Variants in MSL1 observed in about 807,000 individuals in gnomAD.
MSL1 encodes the protein MSL complex subunit 1.
In MSL1, 21 loss-of-function variants were observed where a neutral mutation model predicts 64.6. That is an observed-to-expected ratio of 0.33 (90% CI 0.23 to 0.47). The LOEUF is 0.47. Among genes scored for constraint, MSL1 ranks in the 20% least tolerant of loss-of-function variants. The probability of loss-of-function intolerance (pLI) is 1.00; values close to 1 mark genes in which losing one functional copy is unlikely to be tolerated. For synonymous variants in MSL1, 339 were observed against 329.6 expected (o/e 1.03, Z -0.31); for missense variants, 664 against 793.2 (o/e 0.84, Z 1.96).
chr17:40,125,097 T>C (rs779648044), intron 1 of MSL1, among the ~76,000 whole-genome samples: 11 of 152,178 alleles, frequency 7.2e-5, no homozygotes, highest in Non-Finnish European at 1.3e-4. Context: ...TGTAATAGAG[T>C]ATAAGTAGCA....
chr17:40,122,742 C>T lies in MSL1; in HGVS notation c.130C>T (p.His44Tyr). Residue 44 changes from histidine to tyrosine, a missense_variant, in exon 1 of 9, where the codon CAC becomes TAC. His to Tyr is a moderately conservative substitution (Grantham distance 83, BLOSUM62 2). Coordinates refer to ENST00000398532, the MANE Select transcript of MSL1 (RefSeq NM_001365919.1). The surrounding 1 kb of genome is among the most constrained non-coding windows in gnomAD (Gnocchi z 4.2). The part of the protein sequence containing the change: ...PEDEPGAAEA[H>Y]FLPRHRKLKE... Reference sequence around the variant, plus strand: ...GGACGAGCCTGGGGCGGCCGAAGCCCACTTCCTCCCCCGGCACCGTAAGCT... The same window carrying T: ...GGACGAGCCTGGGGCGGCCGAAGCCTACTTCCTCCCCCGGCACCGTAAGCT... The T allele has an allele frequency of 2.8e-6, 4 of 1,446,556 alleles. No individual in the cohort carries two copies. Among genetic ancestry groups the T allele is most frequent in the South Asian group, 1.4e-5 (1 of 73,446 alleles). The allele number at this position is 1,446,556 out of a possible 1,614,324, so 89.6% of individuals were successfully genotyped here.
chr17:40,122,543 C>G lies in MSL1; in HGVS notation c.-70C>G. 1 of 809,824 alleles carries G rather than the reference C, an allele frequency of 1.2e-6. No homozygotes were observed. The highest frequency in any genetic ancestry group is 1.8e-6 in the Non-Finnish European group (1 of 567,578). The allele number at this position is 809,824 out of a possible 1,614,324, so 50.2% of individuals were successfully genotyped here. On this transcript the variant is annotated 5_prime_UTR_variant, in exon 1 of 9. Transcript: ENST00000398532. The surrounding 1 kb of genome is among the most constrained non-coding windows in gnomAD (Gnocchi z 4.2). The stretch of plus-strand genomic sequence containing the variant: ...AACTCCCCTCCCCCCCCTCAGTCCT[C>G]GACCCCCCGCACCTCGCCCCTTCCC...
At position 40,134,335 on chromosome 17, in the gene MSL1, A is replaced by C; in HGVS notation, c.1811A>C (p.Lys604Thr). ...ERSRCRLEIQ[K>T]KQTPHRTCRK is the part of the protein sequence containing the mutation. ...AGCCGATGCAGATTGGAGATCCAGA[A>C]GAAGCAAACACCTCACCGGACGTGT... Residue 604 changes from lysine (K) to threonine (T), a missense_variant, in exon 9 of 9, where the codon AAG (lysine) becomes ACG (threonine). By Grantham distance (78) the Lys-to-Thr change is moderately conservative. Around this residue, in one of 4 missense-constraint regions of MSL1, gnomAD observed 76 missense variants for 98.5 expected, o/e 0.77. Transcript: ENST00000398532. 6.4e-7 allele frequency: 1 copy of C among 1,557,326 alleles called. No individual in the cohort carries two copies. The highest frequency in any genetic ancestry group is 8.7e-7 in the Non-Finnish European group (1 of 1,150,012).
At chr17:40,133,232 T>TA in intron 6 of MSL1, 123 bp downstream of exon 6, 1 of 909,342 alleles carries the variant, frequency 1.1e-6, no homozygotes, top group East Asian at 2.6e-5. Context: ...ACTCTTACAT[T>TA]ACTGGCTTCC....
In MSL1 at chr17:40,131,833, G is replaced by T; in HGVS notation, c.1424-201G>T. ...TTTGTGATCCTGAGTTTGGCAGACT[G>T]CAATGGCATTTTAGGTTCTTTTATA... is the stretch of plus-strand genomic sequence containing the variant. On this transcript the variant is annotated intron_variant, in intron 4 of 8. Coordinates refer to ENST00000398532, the MANE Select transcript of MSL1 (RefSeq NM_001365919.1). The surrounding 1 kb of genome is among the most constrained non-coding windows in gnomAD (Gnocchi z 4.5). 1 of 612,190 alleles carries T rather than the reference G, an allele frequency of 1.6e-6. No individual in the cohort carries two copies. Among genetic ancestry groups the T allele is most frequent in the Non-Finnish European group, 2.9e-6 (1 of 345,910 alleles). 37.9% of individuals were successfully genotyped at this position (612,190 alleles called of 1,614,324 possible).
At position 40,134,607 on chromosome 17, in the gene MSL1, C is replaced by A; in HGVS notation, c.*238C>A. The A allele has an allele frequency of 2.0e-6, 1 of 504,784 alleles. No individual in the cohort carries two copies. Among genetic ancestry groups the A allele is most frequent in the South Asian group, 2.3e-5 (1 of 43,958 alleles). The allele number at this position is 504,784 out of a possible 1,614,324, so 31.3% of individuals were successfully genotyped here. On this transcript the variant is annotated 3_prime_UTR_variant, in exon 9 of 9. Transcript: ENST00000398532. Reference sequence around the variant, plus strand: ...TTCCCTTTTTTGGGAAATGGGCTCTCAAGCTAAAGCTATAGGATGGCAGAT... The same window carrying A: ...TTCCCTTTTTTGGGAAATGGGCTCTAAAGCTAAAGCTATAGGATGGCAGAT...
At chr17:40,132,591 A>G (rs1468109108) in intron 5 of MSL1, among the ~76,000 whole-genome samples, 1 of 152,204 alleles carries the variant, frequency 6.6e-6, no homozygotes, top group African/African-American at 2.4e-5. Context: ...GTGAGCCAAG[A>G]TCGCACCACT....
rs142623456 is a variant in MSL1 at position 40,136,455 on chromosome 17, C to T, written c.*2086C>T. 2.4e-3 allele frequency: 361 copies of T among 152,410 alleles called. 3 individuals carry two copies. Among genetic ancestry groups the T allele is most frequent in the African/African-American group, 8.4e-3 (347 of 41,552 alleles). 9.4% of individuals were successfully genotyped at this position (152,410 alleles called of 1,614,324 possible). A position where few individuals can be genotyped will look rare whatever the true frequency, so the allele number is the denominator to read the frequency against. On this transcript the variant is annotated 3_prime_UTR_variant, in exon 9 of 9. Coordinates refer to ENST00000398532, the MANE Select transcript of MSL1 (RefSeq NM_001365919.1). ...GTTGGACAGTAGATTAGCAAAGTTC[C>T]AAGTGCAAAATTACAGTGTGTTAGA...
chr17:40,130,910 A>G (rs903397684), intron 3 of MSL1: 2 of 152,260 alleles, frequency 1.3e-5, no homozygotes, highest in African/African-American at 4.8e-5. Flanking sequence ...TATTTTTGAA[A>G]ATCCTTTCTT....
intron 5 of MSL1, 41 bp downstream of exon 5, chr17:40,132,139 T>A (rs1287595183): frequency 1.4e-6 from 2 of 1,395,250 alleles, no homozygotes; most frequent in African/African-American, 1.4e-5. Context: ...AGTAAGAGAT[T>A]AAATAGAATG....
At chr17:40,127,237 T>A (rs1007830799) in intron 2 of MSL1, among the ~76,000 whole-genome samples, 1 of 150,604 alleles carries the variant, frequency 6.6e-6, no homozygotes, top group Non-Finnish European at 1.5e-5. Context: ...CCTGGAGGTA[T>A]GCACCTGTAG....
At position 40,123,032 on chromosome 17, in the gene MSL1, C is replaced by A. The variant is rs1264467587; in HGVS notation, c.420C>A (p.Gly140=). Residue 140 remains glycine (G), a synonymous_variant, in exon 1 of 9, where the codon GGC becomes GGA. Transcript: ENST00000398532. Reference sequence around the variant, plus strand: ...AGGCGGTGCTGCCCATTCAGACGGGCTCTCTCGTGGCGGCGGCCAAAGAGC... The same window carrying A: ...AGGCGGTGCTGCCCATTCAGACGGGATCTCTCGTGGCGGCGGCCAAAGAGC... ...KYQAVLPIQT[G]SLVAAAKEPT... is the part of the protein sequence containing the mutation. The A allele has an allele frequency of 6.5e-7, 1 of 1,532,494 alleles. No homozygotes were observed. Among genetic ancestry groups the A allele is most frequent in the South Asian group, 1.2e-5 (1 of 83,942 alleles). 94.9% of individuals were successfully genotyped at this position (1,532,494 alleles called of 1,614,324 possible).
At chr17:40,128,415 C>T (rs1244194349) in intron 2 of MSL1, among the ~76,000 whole-genome samples, 3 of 145,050 alleles carry the variant, frequency 2.1e-5, no homozygotes, top group Non-Finnish European at 4.5e-5. Context: ...CACTCTGTCG[C>T]CCAGGCTGGA....
At chr17:40,133,977 G>A (rs970332011) in intron 8 of MSL1, 78 bp downstream of exon 8, 3 of 1,307,846 alleles carry the variant, frequency 2.3e-6, no homozygotes, top group Non-Finnish European at 3.3e-6. Context: ...TAGATATGAG[G>A]TGGAACCAGG....
intron 2 of MSL1, 27 bp downstream of exon 2, chr17:40,126,433 G>C (rs373522601): frequency 4.4e-6 from 7 of 1,583,390 alleles, no homozygotes; most frequent in Non-Finnish European, 4.3e-6. Flanking sequence ...GTTTGATGAG[G>C]ACCCTTGTTA....
rs753286381 is a variant in MSL1, at chr17:40,136,183, A to T, written c.*1814A>T. On this transcript the variant is annotated 3_prime_UTR_variant, in exon 9 of 9. Coordinates refer to ENST00000398532, the MANE Select transcript of MSL1 (RefSeq NM_001365919.1). ...TCTTTGATCCCTCAGTTTCTTCTTG[A>T]TTTCAGCATGTGTCGGGTTCCTAAT... 3 of 152,248 alleles carry T rather than the reference A, an allele frequency of 2.0e-5. No homozygotes were observed. Among genetic ancestry groups the T allele is most frequent in the Non-Finnish European group, 4.4e-5 (3 of 67,994 alleles). The allele number at this position is 152,248 out of a possible 1,614,324, so 9.4% of individuals were successfully genotyped here.
At chr17:40,125,931 C>T (rs957577652) in intron 1 of MSL1, among the ~76,000 whole-genome samples, 1 of 152,216 alleles carries the variant, frequency 6.6e-6, no homozygotes, top group Non-Finnish European at 1.5e-5. Context: ...GATCTCCCTA[C>T]AGAAGAATGA....
chr17:40,127,893 GGC>G (rs1988357011), intron 2 of MSL1, among the ~76,000 whole-genome samples: 1 of 152,204 alleles, frequency 6.6e-6, no homozygotes, highest in African/African-American at 2.4e-5. Flanking sequence ...GGGAGGCCGA[GGC>G]GGGTGGATCA....
rs1458218007 is a variant in MSL1 at position 40,122,116 on chromosome 17, C to T, written c.-497C>T. Among the ~76,000 whole-genome samples the T allele has an allele frequency of 2.6e-5, 4 of 151,530 alleles. No individual in the cohort carries two copies. The highest frequency in any genetic ancestry group is 2.6e-4 in the Admixed American group (4 of 15,260). On this transcript the variant is annotated 5_prime_UTR_variant, in exon 1 of 9. Coordinates refer to ENST00000398532, the MANE Select transcript of MSL1 (RefSeq NM_001365919.1). The surrounding 1 kb of genome is among the most constrained non-coding windows in gnomAD (Gnocchi z 4.2). ...ACCCCCGGGAGAGGCGACAGACCCC[C>T]TCTCCCGGAGTAGGAGGGCTTTGGG...
Sources: gnomAD v4.1 joint callset for allele counts (sites outside exome capture counted in the v4.1 genomes callset) on GRCh38, gnomAD v4.1.1 for gene constraint, gnomAD v4.1.1 regional missense constraint, Gnocchi (gnomAD v3.1) non-coding constraint, MANE v1.5 for transcripts, NCBI Gene and HGNC (gene_info 2026-07-23, HGNC 2026-07-21) for gene names.